The following LOXHD1 variants were observed in gnomAD, a reference collection of about 807,000 sequenced individuals.
LOXHD1 encodes lipoxygenase homology domain-containing protein 1.
In LOXHD1, 205 loss-of-function variants were observed where a neutral mutation model predicts 248.2. The observed-to-expected ratio is 0.83, with a 90% confidence interval of 0.74 to 0.93. LOXHD1 has a LOEUF of 0.93. Among genes scored for constraint, LOXHD1 ranks in the 40% least tolerant of loss-of-function variants. The probability of loss-of-function intolerance (pLI) is 0.00; values close to 1 mark genes in which losing one functional copy is unlikely to be tolerated. For synonymous variants in LOXHD1, 1,113 were observed against 1,162.8 expected, an observed-to-expected ratio of 0.96 and a Z score of 0.87; for missense variants, 2,930 against 2,971.6, an observed-to-expected ratio of 0.99 and a Z score of 0.33.
At chr18:46,597,326 A>T (rs2038271556) in intron 8 of LOXHD1, among the ~76,000 whole-genome samples, 2 of 152,208 alleles carry the variant, frequency 1.3e-5, no homozygotes, top group Non-Finnish European at 2.9e-5. Context: ...TAAAAGCAGA[A>T]CAGATATATC....
intron 4 of LOXHD1, among the ~76,000 whole-genome samples, chr18:46,620,394 T>C (rs2038651825): frequency 6.6e-6 from 1 of 152,022 alleles, no homozygotes; most frequent in Non-Finnish European, 1.5e-5. Flanking sequence ...ATCAGTCCAT[T>C]GGAAGGGGCA....
At chr18:46,516,504 G>A (rs749669022) in intron 34 of LOXHD1, among the ~76,000 whole-genome samples, 7 of 152,156 alleles carry the variant, frequency 4.6e-5, no homozygotes, top group Non-Finnish European at 7.3e-5. Flanking sequence ...CAGCTTGCAC[G>A]AGCTGCTCCG....
chr18:46,583,859 T>C (rs2038009227), intron 12 of LOXHD1, among the ~76,000 whole-genome samples: 1 of 140,902 alleles, frequency 7.1e-6, no homozygotes, highest in Non-Finnish European at 1.6e-5. Context: ...AAAAAAAAAA[T>C]GAAAACAGTA....
At chr18:46,589,240 CT>C (rs1568204240) in intron 12 of LOXHD1, among the ~76,000 whole-genome samples, 1 of 152,286 alleles carries the variant, frequency 6.6e-6, no homozygotes, top group East Asian at 1.9e-4. Context: ...TTAGGTACAT[CT>C]GAAGCCTGTT....
Position 46,610,896 on chromosome 18 carries a change from G to T in LOXHD1, c.639C>A (p.Asp213Glu), listed in dbSNP as rs902318674. 6.4e-7 allele frequency: 1 copy of T among 1,551,810 alleles called. No homozygotes were observed. The highest frequency in any genetic ancestry group is 2.0e-5 in the Admixed American group (1 of 50,990). Reference sequence around the variant, plus strand: ...TGTCTTCAGCTCCCTTTTCAAAGTTGTCCTTTTCATTTTCTAGCCTACGCT... The same window carrying T: ...TGTCTTCAGCTCCCTTTTCAAAGTTTTCCTTTTCATTTTCTAGCCTACGCT... ...TGERRLENEKDNFEKGAEDRF... is the reference protein window; with the variant it reads ...TGERRLENEKENFEKGAEDRF... Residue 213 changes from aspartate (D) to glutamate (E), a missense_variant, in exon 6 of 41, where the codon GAC becomes GAA. Coordinates refer to ENST00000642948, the MANE Select transcript of LOXHD1 (RefSeq NM_001384474.1).
chr18:46,607,034 C>G (rs548185318), intron 6 of LOXHD1, among the ~76,000 whole-genome samples: 1 of 151,838 alleles, frequency 6.6e-6, no homozygotes, highest in Non-Finnish European at 1.5e-5. Flanking sequence ...GGCATGGTGG[C>G]GGGCACCTGT....
chr18:46,628,063 GA>G (rs1483582604), intron 4 of LOXHD1, among the ~76,000 whole-genome samples: 1 of 152,224 alleles, frequency 6.6e-6, no homozygotes, highest in Non-Finnish European at 1.5e-5. Context: ...AATGATGGAG[GA>G]GCATGAGCTG....
At chr18:46,560,850 GCA>G (rs201293490) in intron 18 of LOXHD1, among the ~76,000 whole-genome samples, 6 of 138,070 alleles carry the variant, frequency 4.3e-5, no homozygotes, top group South Asian at 2.3e-4. Context: ...ACACACACAC[GCA>G]CGCGCGCGCG....
rs2037495394 is a variant in LOXHD1 at position 46,560,366 on chromosome 18, C to G, written c.2778G>C (p.Leu926=). ...KKKEKDKLRQ[L]LKKERLKAKL... The stretch of plus-strand genomic sequence containing the variant: ...TGGCCTTCAGCCGCTCCTTCTTGAG[C>G]AGCTGCCGCAGCTTGTCCTTCTCCT... The change falls in exon 19 of 41, where the codon CTG becomes CTC. Residue 926 remains leucine, a synonymous_variant. Transcript: ENST00000642948. 6.4e-7 allele frequency: 1 copy of G among 1,552,492 alleles called. No homozygotes were observed. The highest frequency in any genetic ancestry group is 8.7e-7 in the Non-Finnish European group (1 of 1,147,940).
At chr18:46,578,890 C>A (rs1343928576) in intron 13 of LOXHD1, among the ~76,000 whole-genome samples, 1 of 152,214 alleles carries the variant, frequency 6.6e-6, no homozygotes, top group African/African-American at 2.4e-5. Flanking sequence ...GAAACTGAGG[C>A]TCAGGAGAAT....
intron 6 of LOXHD1, among the ~76,000 whole-genome samples, chr18:46,605,449 GC>G (rs555724478): frequency 6.6e-6 from 1 of 152,186 alleles, no homozygotes; most frequent in South Asian, 2.1e-4. Context: ...AGGAGGTAGA[GC>G]TTGCAGTGAG....
intron 3 of LOXHD1, 106 bp from the exon 4 acceptor site, chr18:46,639,906 T>C: frequency 7.5e-7 from 1 of 1,338,556 alleles, no homozygotes; most frequent in South Asian, 1.3e-5. Flanking sequence ...CCAATTATTC[T>C]GTTGTTGTTG....
chr18:46,505,643 C>T (rs2034513529), intron 37 of LOXHD1, among the ~76,000 whole-genome samples, 195 bp downstream of exon 37: 1 of 152,178 alleles, frequency 6.6e-6, no homozygotes, highest in Non-Finnish European at 1.5e-5. Flanking sequence ...ACTAAGCTTC[C>T]TCTCTAAAAA....
At chr18:46,652,567 G>A (rs1284749842) in intron 1 of LOXHD1, among the ~76,000 whole-genome samples, 1 of 152,160 alleles carries the variant, frequency 6.6e-6, no homozygotes, top group Non-Finnish European at 1.5e-5. Context: ...TACCAAGTAT[G>A]GGCAAGAAGG....
At chr18:46,520,500 G>T (rs1370980056) in intron 33 of LOXHD1, 10 of 353,136 alleles carry the variant, frequency 2.8e-5, no homozygotes, top group South Asian at 6.5e-5. Flanking sequence ...CTCCTGCCTG[G>T]CCTGACCTGT....
At position 46,522,272 on chromosome 18, in the gene LOXHD1, G is replaced by GT. The variant is rs2144138189; in HGVS notation, c.4913dup (p.His1638GlnfsTer7). ...CTCGGCTGTCAGTGGCCGCGTCCTT[G>GT]TGCTTCCCAGTGGTGACTGACACAT... On this transcript the variant is annotated frameshift_variant, in exon 32 of 41. Transcript: ENST00000642948. LOFTEE classifies it high-confidence loss of function. The GT allele has an allele frequency of 6.4e-7, 1 of 1,551,838 alleles. No individual in the cohort carries two copies. The highest frequency in any genetic ancestry group is 2.4e-5 in the East Asian group (1 of 40,924).
chr18:46,657,001 C>T lies in LOXHD1; in HGVS notation c.33G>A (p.Lys11=), dbSNP rs2144418239. ...CGTACAGGGCCAGGAAGTCGATGTC[C>T]TTCTTCCTCCGCCTTTTCTTCTGGG... is the stretch of plus-strand genomic sequence containing the variant. MMPQKKRRRK[K]DIDFLALYEA... Residue 11 remains lysine, a synonymous_variant, in exon 1 of 41, where the codon AAG becomes AAA. Coordinates refer to ENST00000642948, the MANE Select transcript of LOXHD1 (RefSeq NM_001384474.1). 1.9e-6 allele frequency: 3 copies of T among 1,550,028 alleles called. No individual in the cohort carries two copies. Among genetic ancestry groups the T allele is most frequent in the South Asian group, 2.4e-5 (2 of 84,060 alleles).
Position 46,578,257 on chromosome 18 carries a change from C to T in LOXHD1, c.1810-390G>A, listed in dbSNP as rs529156848. ...AGAATTGATTACGGGGACTAAGTAG[C>T]CTTGCTAATTGTATAGTTTTGCTCA... On this transcript the variant is annotated intron_variant, in intron 13 of 40. Coordinates refer to ENST00000642948, the MANE Select transcript of LOXHD1 (RefSeq NM_001384474.1). Among the ~76,000 whole-genome samples the T allele has an allele frequency of 4.6e-5, 7 of 152,260 alleles. No homozygotes were observed. In the South Asian group the frequency reaches 8.3e-4, roughly 18 times the overall value.
downstream of LOXHD1, chr18:46,477,137 G>T (rs1468183266): frequency 2.8e-6 from 2 of 718,098 alleles, no homozygotes; most frequent in Non-Finnish European, 5.2e-6. Context: ...CCATCTTGAT[G>T]GCCTCTGCTT....
Sources: gnomAD v4.1 joint callset for allele counts (sites outside exome capture counted in the v4.1 genomes callset) on GRCh38, gnomAD v4.1.1 for gene constraint, MANE v1.5 for transcripts, NCBI Gene and HGNC (gene_info 2026-07-23, HGNC 2026-07-21) for gene names.